Variants in SPC25 observed in about 807,000 individuals in gnomAD.
The protein encoded by SPC25 is kinetochore protein Spc25.
A neutral mutation model predicts 29.6 loss-of-function variants in SPC25; 22 were observed. The ratio of observed to expected loss-of-function variants is 0.74; its 90% confidence interval spans 0.53 to 1.06. The LOEUF (loss-of-function observed/expected upper bound fraction) is 1.06. Among genes scored for constraint, SPC25 ranks in the 50% least tolerant of loss-of-function variants. SPC25 has a pLI of 0.00. For synonymous variants in SPC25, 91 were observed against 90.4 expected (o/e 1.01, Z -0.04); for missense variants, 230 against 255.8 (o/e 0.90, Z 0.69).
intron 3 of SPC25, among the ~76,000 whole-genome samples, chr2:168,882,098 T>G (rs1654355623): frequency 6.6e-6 from 1 of 152,246 alleles, no homozygotes; most frequent in African/African-American, 2.4e-5. Context: ...ATTTTATGCT[T>G]CTAAATATTA....
chr2:168,876,457 T>C (rs1345193297), intron 4 of SPC25, among the ~76,000 whole-genome samples: 2 of 152,134 alleles, frequency 1.3e-5, no homozygotes, highest in Non-Finnish European at 2.9e-5. Context: ...GGGATTTGTA[T>C]GGCTGGCATA....
downstream of SPC25, among the ~76,000 whole-genome samples, chr2:168,868,690 G>C (rs1056428527): frequency 8.6e-5 from 13 of 151,994 alleles, no homozygotes; most frequent in African/African-American, 2.7e-4. Context: ...CCAATAACAG[G>C]CTCTGAAATT....
chr2:168,889,060 T>TATAC (rs1559158773), intron 3 of SPC25, among the ~76,000 whole-genome samples, 166 bp downstream of exon 3: 1,246 of 53,094 alleles, frequency 0.023, 62 homozygotes, highest in African/African-American at 0.071. Context: ...TATATATACA[T>TATAC]ATATATATAC....
intron 3 of SPC25, among the ~76,000 whole-genome samples, chr2:168,887,729 C>T (rs1690295042): frequency 6.6e-6 from 1 of 152,074 alleles, no homozygotes; most frequent in Admixed American, 6.6e-5. Context: ...CTCTGGACAA[C>T]CTGGAGAGTA....
chr2:168,877,941 C>T (rs759989145), intron 3 of SPC25, among the ~76,000 whole-genome samples: 1 of 133,004 alleles, frequency 7.5e-6, no homozygotes, highest in African/African-American at 2.6e-5. Context: ...TCAAGCAATC[C>T]TCCTACCTCA....
chr2:168,881,184 C>T (rs1024873972), intron 3 of SPC25, among the ~76,000 whole-genome samples: 1 of 152,130 alleles, frequency 6.6e-6, no homozygotes, highest in Non-Finnish European at 1.5e-5. Context: ...TTGGCCAGCA[C>T]CTCATTACTC....
intron 6 of SPC25, 101 bp from the exon 7 acceptor site, chr2:168,871,656 A>T: frequency 4.6e-6 from 5 of 1,095,354 alleles, no homozygotes; most frequent in Non-Finnish European, 6.4e-6. Context: ...TTGAATGTCA[A>T]TTCCATCTTA....
At chr2:168,865,188 T>C (rs1689790370) in intron 4 of SPC25, 3 of 540,390 alleles carry the variant, frequency 5.6e-6, no homozygotes, top group Non-Finnish European at 9.7e-6. Context: ...CCTTGGTTCC[T>C]AGAGGAGTTT....
intron 6 of SPC25, among the ~76,000 whole-genome samples, chr2:168,872,423 T>C (rs1690011637): frequency 6.6e-6 from 1 of 152,150 alleles, no homozygotes; most frequent in African/African-American, 2.4e-5. Context: ...AGACTCAAAG[T>C]CACGAATAAC....
chr2:168,866,007 T>C (rs1371623338), downstream of SPC25, among the ~76,000 whole-genome samples: 5 of 152,300 alleles, frequency 3.3e-5, no homozygotes, highest in South Asian at 2.1e-4. Context: ...TCCATGCTCA[T>C]GGGTAGGAAG....
chr2:168,862,390 GATTTGA>G (rs1689518226), intron 4 of SPC25, among the ~76,000 whole-genome samples: 1 of 152,224 alleles, frequency 6.6e-6, no homozygotes, highest in Non-Finnish European at 1.5e-5. Context: ...GGCAACACAA[GATTTGA>G]ACTTGGAAAC....
chr2:168,863,775 G>GCCAAACAAT (rs1689646754), intron 4 of SPC25: 9 of 475,848 alleles, frequency 1.9e-5, no homozygotes, highest in Non-Finnish European at 2.5e-5. Context: ...CAGCCAACAC[G>GCCAAACAAT]CCAAACAATC....
chr2:168,866,873 T>C (rs1689867448), downstream of SPC25, among the ~76,000 whole-genome samples: 1 of 151,942 alleles, frequency 6.6e-6, no homozygotes, highest in Non-Finnish European at 1.5e-5. Flanking sequence ...CATGAAAAAA[T>C]GCTCATCATC....
At chr2:168,868,822 T>C (rs1266171986), downstream of SPC25, among the ~76,000 whole-genome samples, 5 of 151,914 alleles carry the variant, frequency 3.3e-5, no homozygotes, top group African/African-American at 7.3e-5. Context: ...TTCCAGTCAA[T>C]AGAAAAAGAG....
At chr2:168,874,863 C>T (rs541216257) in intron 5 of SPC25, among the ~76,000 whole-genome samples, 31 of 152,048 alleles carry the variant, frequency 2.0e-4, no homozygotes, top group Non-Finnish European at 3.8e-4. Flanking sequence ...TAGACTTTGC[C>T]CCACGTGCTA....
intron 4 of SPC25, among the ~76,000 whole-genome samples, chr2:168,862,398 C>T (rs1574345988): frequency 1.3e-5 from 2 of 150,706 alleles, no homozygotes; most frequent in South Asian, 2.2e-4. Flanking sequence ...AAGATTTGAA[C>T]TTGGAAACAC....
intron 6 of SPC25, among the ~76,000 whole-genome samples, chr2:168,872,154 G>T (rs1007365555): frequency 5.3e-5 from 8 of 152,044 alleles, no homozygotes; most frequent in African/African-American, 1.9e-4. Context: ...TTTCAGTAGA[G>T]GCAGGGTTTC....
At chr2:168,885,652 G>A (rs543328264) in intron 3 of SPC25, among the ~76,000 whole-genome samples, 1 of 149,184 alleles carries the variant, frequency 6.7e-6, no homozygotes, top group East Asian at 1.9e-4. Context: ...TCATGTTCCT[G>A]CCATATTCCA....
In SPC25 at chr2:168,888,928, T is replaced by TAC. The variant is rs1690322039; in HGVS notation, c.199+297_199+298insGT. ...AGGCATGAGCCACTACATGTACGTG[T>TAC]GTGTGTGTGTGTGTGTGTGTGTGTG... is the stretch of plus-strand genomic sequence containing the variant. On this transcript the variant is annotated intron_variant, in intron 3 of 6. Transcript: ENST00000282074. Among the ~76,000 whole-genome samples the TAC allele has an allele frequency of 9.4e-5, 3 of 31,800 alleles. No homozygotes were observed. The South Asian group carries it at 5.2e-3, about 55-fold the overall frequency. The allele number at this position is 31,800 out of a possible 152,430, so 20.9% of individuals were successfully genotyped here.
Sources: gnomAD v4.1 joint callset for allele counts (sites outside exome capture counted in the v4.1 genomes callset) on GRCh38, gnomAD v4.1.1 for gene constraint, MANE v1.5 for transcripts, NCBI Gene and HGNC (gene_info 2026-07-23, HGNC 2026-07-21) for gene names.